PKN3: variants seen among roughly 807,000 people sequenced by gnomAD.
PKN3 encodes protein kinase N3.
In PKN3, 91 loss-of-function variants were observed where a neutral mutation model predicts 113.1. The ratio of observed to expected loss-of-function variants is 0.80; its 90% CI spans 0.68 to 0.96. PKN3 has a LOEUF of 0.96. Among genes scored for constraint, PKN3 ranks in the 40% least tolerant of loss-of-function variants. PKN3 has a pLI of 0.00. For synonymous variants in PKN3, 467 were observed against 499.0 expected (o/e 0.94, Z 0.85); for missense variants, 1,052 against 1,202.2 (o/e 0.88, Z 1.85).
chr9:128,720,641 C>A lies in PKN3; in HGVS notation c.*35C>A. ...CTGGCACCTCTGTCCCCTTCCCCCA[C>A]AGACTGTTAGAGCCTCTGCTCGTTC... On this transcript the variant is annotated 3_prime_UTR_variant, in exon 22 of 22. Coordinates refer to ENST00000291906, the MANE Select transcript of PKN3 (RefSeq NM_013355.5). This position sits in a 1 kb window ranked among gnomAD's most constrained non-coding sequence, Gnocchi z 5.5. 1 of 1,571,042 alleles carries A rather than the reference C, an allele frequency of 6.4e-7. No homozygotes were observed. The highest frequency in any genetic ancestry group is 8.7e-7 in the Non-Finnish European group (1 of 1,146,808).
At chr9:128,716,723 T>C in intron 15 of PKN3, 24 bp from the exon 16 acceptor site, 1 of 1,607,522 alleles carries the variant, frequency 6.2e-7, no homozygotes, top group Admixed American at 1.7e-5. Context: ...TCCTTCCCTC[T>C]AATACTCTTG....
chr9:128,717,720 T>TA lies in PKN3; in HGVS notation c.1986-588dup, dbSNP rs568178531. On this transcript the variant is annotated intron_variant, in intron 16 of 21. Coordinates refer to ENST00000291906, the MANE Select transcript of PKN3 (RefSeq NM_013355.5). ...TCTGGCGACAGAGTGAGACTCCATC[T>TA]AAAAAAAAAAAAAAAAAGGCCGGGC... is the stretch of plus-strand genomic sequence containing the variant. 4.7e-3 allele frequency among the ~76,000 whole-genome samples: 462 copies of TA among 99,280 alleles called. 2 individuals are homozygous for TA. Among genetic ancestry groups the TA allele is most frequent in the Admixed American group, 8.0e-3 (73 of 9,078 alleles). 65.1% of individuals were successfully genotyped at this position (99,280 alleles called of 152,430 possible).
chr9:128,708,481 G>A (rs1862084919), intron 6 of PKN3, among the ~76,000 whole-genome samples: 1 of 151,902 alleles, frequency 6.6e-6, no homozygotes, highest in Admixed American at 6.6e-5. Flanking sequence ...ACTTTGAGAG[G>A]CTGAGGTGGG....
intron 1 of PKN3, among the ~76,000 whole-genome samples, chr9:128,704,422 C>T (rs1564368895): frequency 6.6e-6 from 1 of 152,206 alleles, no homozygotes; most frequent in Non-Finnish European, 1.5e-5. Flanking sequence ...TGGCTGCCTT[C>T]TCATGTGGCT....
At chr9:128,713,431 G>A in intron 8 of PKN3, 44 bp downstream of exon 8, 1 of 1,612,180 alleles carries the variant, frequency 6.2e-7, no homozygotes, top group Non-Finnish European at 8.5e-7. Context: ...TTGGGCTGCG[G>A]GGTGGAAGGC....
rs770530647 is a variant in PKN3 at position 128,720,366 on chromosome 9, G to A, written c.2458-28G>A. The A allele has an allele frequency of 1.6e-5, 25 of 1,612,248 alleles. No homozygotes were observed. Among genetic ancestry groups the A allele is most frequent in the Middle Eastern group, 1.6e-4 (1 of 6,078 alleles). On this transcript the variant is annotated intron_variant, in intron 21 of 21. Transcript: ENST00000291906. The surrounding 1 kb of genome is among the most constrained non-coding windows in gnomAD (Gnocchi z 5.5). ...GACTCCTGGAGCTGCTGTTCCTGCC[G>A]TCTCAGGCGCCTCTCCTTTGCCCTC...
At chr9:128,706,569 C>T in intron 3 of PKN3, 144 bp from the exon 4 acceptor site, 1 of 638,144 alleles carries the variant, frequency 1.6e-6, no homozygotes, top group Non-Finnish European at 2.6e-6. Context: ...ACTAGTCCAA[C>T]AAGGGAGGCT....
At position 128,703,418 on chromosome 9, in the gene PKN3, A is replaced by T; in HGVS notation, c.24+479A>T. On this transcript the variant is annotated intron_variant, in intron 1 of 21. Transcript: ENST00000291906. ...CCCGGAGCACAGGAGGCACGAGGGG[A>T]GCGTAGATGAGAGGGGAGCGGCCTC... 5.1e-6 allele frequency: 5 copies of T among 985,100 alleles called. No homozygotes were observed. In the South Asian group the frequency reaches 2.4e-4, roughly 46 times the overall value. The allele number at this position is 985,100 out of a possible 1,614,324, so 61.0% of individuals were successfully genotyped here.
At chr9:128,710,241 T>A (rs1261178322) in intron 6 of PKN3, among the ~76,000 whole-genome samples, 1 of 151,842 alleles carries the variant, frequency 6.6e-6, no homozygotes, top group Non-Finnish European at 1.5e-5. Context: ...AAAGTTAATT[T>A]TCTTATCTTG....
Position 128,713,657 on chromosome 9 carries a change from C to G in PKN3, c.1236+15C>G. ...TTTTTGCCCAGGTGCTCACCACCTC[C>G]GCCCTCTGACTTGGTGGGACCCTGG... On this transcript the variant is annotated intron_variant, in intron 9 of 21. Transcript: ENST00000291906. 1 of 1,612,852 alleles carries G rather than the reference C, an allele frequency of 6.2e-7. No individual in the cohort carries two copies. Among genetic ancestry groups the G allele is most frequent in the Non-Finnish European group, 8.5e-7 (1 of 1,179,544 alleles).
intron 6 of PKN3, among the ~76,000 whole-genome samples, chr9:128,710,305 T>G (rs1484337581): frequency 6.6e-6 from 1 of 151,526 alleles, no homozygotes; most frequent in Non-Finnish European, 1.5e-5. Flanking sequence ...ACAAATAATC[T>G]GAGAGCATGG....
chr9:128,704,614 C>T (rs1335143995), intron 1 of PKN3, among the ~76,000 whole-genome samples: 1 of 152,050 alleles, frequency 6.6e-6, no homozygotes, highest in East Asian at 1.9e-4. Flanking sequence ...GCCTCAGTTT[C>T]CTCACTAGAA....
chr9:128,703,479 G>C, intron 1 of PKN3: 1 of 985,430 alleles, frequency 1.0e-6, no homozygotes, highest in Non-Finnish European at 1.2e-6. Flanking sequence ...GGTACATAGC[G>C]GGTTCTAGAA....
chr9:128,704,778 C>G (rs1459020143), intron 1 of PKN3, among the ~76,000 whole-genome samples: 2 of 151,976 alleles, frequency 1.3e-5, no homozygotes, highest in African/African-American at 4.8e-5. Flanking sequence ...ATTAGCCGGG[C>G]TTAGTGGCGT....
At position 128,702,553 on chromosome 9, in the gene PKN3, A is replaced by C; in HGVS notation, c.-363A>C. 8.4e-6 allele frequency: 2 copies of C among 239,432 alleles called. No individual in the cohort carries two copies. The highest frequency in any genetic ancestry group is 1.1e-4 in the South Asian group (1 of 9,288). The allele number at this position is 239,432 out of a possible 1,614,324, so 14.8% of individuals were successfully genotyped here. The stretch of plus-strand genomic sequence containing the variant: ...CCGCGGGCGCGCGGCGGGGAAGGCC[A>C]GAGGACCTGGGCGCGGGCGATGTGC... On this transcript the variant is annotated 5_prime_UTR_variant, in exon 1 of 22. Transcript: ENST00000291906.
rs1185433021 is a variant in PKN3 at position 128,714,582 on chromosome 9, C to T, written c.1502C>T (p.Thr501Ile). 2.4e-6 allele frequency: 3 copies of T among 1,252,624 alleles called. No individual in the cohort carries two copies. The highest frequency in any genetic ancestry group is 1.2e-5 in the South Asian group (1 of 83,980). 77.6% of individuals were successfully genotyped at this position (1,252,624 alleles called of 1,614,324 possible). The part of the protein sequence containing the change: ...ATPSNFLPKK[T>I]PLGEEMTPPP... ...TACAGTAATTTCCTGCCCAAGAAGA[C>T]CCCCTTGGGTGAAGAGATGACACCC... Residue 501 changes from threonine (T) to isoleucine (I), a missense_variant, in exon 12 of 22, where the codon ACC (threonine) becomes ATC (isoleucine). Coordinates refer to ENST00000291906, the MANE Select transcript of PKN3 (RefSeq NM_013355.5).
chr9:128,711,654 A>G (rs915613930), intron 6 of PKN3, among the ~76,000 whole-genome samples: 1 of 149,646 alleles, frequency 6.7e-6, no homozygotes, highest in Non-Finnish European at 1.5e-5. Flanking sequence ...GCTGGAGTGC[A>G]GTGGCATAAT....
intron 1 of PKN3, chr9:128,704,029 G>A (rs1387034051): frequency 1.0e-6 from 1 of 983,036 alleles, no homozygotes; most frequent in Non-Finnish European, 1.2e-6. Flanking sequence ...CCCTCTGACA[G>A]CTGGGCCAGC....
At position 128,714,381 on chromosome 9, in the gene PKN3, G is replaced by T; in HGVS notation, c.1481+16G>T. On this transcript the variant is annotated intron_variant, in intron 11 of 21. Transcript: ENST00000291906. ...CCACTCCCAGGTGAGGAGCTCCCTT[G>T]CCCTAGACTGCATGCTCCTCTGTGG... The T allele has an allele frequency of 6.3e-7, 1 of 1,593,272 alleles. No homozygotes were observed. Among genetic ancestry groups the T allele is most frequent in the Non-Finnish European group, 8.6e-7 (1 of 1,167,038 alleles).
Sources: allele counts gnomAD v4.1 joint callset (sites outside exome capture counted in the v4.1 genomes callset), GRCh38; gene constraint gnomAD v4.1.1; non-coding constraint Gnocchi (gnomAD v3.1); transcripts MANE v1.5; gene names NCBI Gene and HGNC (gene_info 2026-07-23, HGNC 2026-07-21).